Variants in ERC1 observed in about 807,000 individuals in gnomAD.
The protein encoded by ERC1 is ELKS/RAB6-interacting/CAST family member 1, also known as RAB6 interacting protein 2.
A neutral mutation model predicts 132.0 loss-of-function variants in ERC1; 56 were observed. The observed-to-expected ratio is 0.42, with a 90% CI of 0.34 to 0.53. The LOEUF is 0.53. Ranked by LOEUF, ERC1 falls within the 20% of genes least tolerant of loss-of-function variation. ERC1 has a pLI of 0.03. For missense variants in ERC1, 1,202 were observed against 1,349.9 expected (o/e 0.89, Z 1.72); for synonymous variants, 478 against 476.1 (o/e 1.00, Z -0.05).
intron 7 of ERC1, among the ~76,000 whole-genome samples, chr12:1,138,133 A>G (rs1292324511): frequency 8.1e-6 from 1 of 122,922 alleles, no homozygotes. Context: ...CATATTATAT[A>G]TAATATAATT....
At chr12:1,345,271 C>G (rs1296569441) in intron 15 of ERC1, among the ~76,000 whole-genome samples, 1 of 150,276 alleles carries the variant, frequency 6.7e-6, no homozygotes, top group African/African-American at 2.5e-5. Context: ...AGCTCCACCT[C>G]CTGGGTTCAC....
chr12:1,417,905 C>CT (rs1371441983), intron 17 of ERC1, among the ~76,000 whole-genome samples: 30 of 152,118 alleles, frequency 2.0e-4, no homozygotes, highest in African/African-American at 6.7e-4. Context: ...GTGCCAAACA[C>CT]TAAGTTGTAA....
intron 8 of ERC1, among the ~76,000 whole-genome samples, chr12:1,171,271 G>T (rs1180890763): frequency 2.6e-5 from 4 of 151,206 alleles, no homozygotes; most frequent in Non-Finnish European, 5.9e-5. Flanking sequence ...GTTTCTTATG[G>T]TTTTGTCAGT....
At chr12:1,116,062 G>A in intron 7 of ERC1, 29 bp downstream of exon 7, 1 of 1,589,018 alleles carries the variant, frequency 6.3e-7, no homozygotes, top group Non-Finnish European at 8.6e-7. Flanking sequence ...TTTGTGGGGA[G>A]TTGGTTTCTT....
At chr12:1,377,427 T>A (rs749878461) in intron 16 of ERC1, among the ~76,000 whole-genome samples, 6 of 152,234 alleles carry the variant, frequency 3.9e-5, no homozygotes, top group South Asian at 4.1e-4. Context: ...CATTTGTACA[T>A]GCTTTCACAC....
intron 16 of ERC1, among the ~76,000 whole-genome samples, chr12:1,376,981 C>T (rs61913110): frequency 0.16 from 25,044 of 152,044 alleles, 2,551 homozygotes; most frequent in Non-Finnish European, 0.23. Flanking sequence ...TCAGGTGATC[C>T]CGTTGGTCTT....
chr12:1,104,125 G>GT (rs1310519334), intron 3 of ERC1, among the ~76,000 whole-genome samples: 3 of 143,626 alleles, frequency 2.1e-5, no homozygotes, highest in Non-Finnish European at 4.5e-5. Flanking sequence ...TAAAATTTGG[G>GT]TAAAAAAAAA....
intron 18 of ERC1, among the ~76,000 whole-genome samples, chr12:1,479,409 A>G (rs1341934198): frequency 6.6e-6 from 1 of 152,196 alleles, no homozygotes. Flanking sequence ...ATCCTTAATC[A>G]TGTTTATTCC....
chr12:1,392,066 G>C (rs2090015299), intron 16 of ERC1, among the ~76,000 whole-genome samples: 1 of 152,178 alleles, frequency 6.6e-6, no homozygotes, highest in Admixed American at 6.5e-5. Flanking sequence ...AGACTATTCA[G>C]GGGACCACTG....
At chr12:1,011,087 C>G (rs1366574907) in intron 1 of ERC1, among the ~76,000 whole-genome samples, 1 of 152,198 alleles carries the variant, frequency 6.6e-6, no homozygotes, top group Non-Finnish European at 1.5e-5. Context: ...GTGATAGCAA[C>G]TGCAAGTGCT....
At chr12:1,024,636 T>G (rs2154147393) in intron 1 of ERC1, among the ~76,000 whole-genome samples, 1 of 152,262 alleles carries the variant, frequency 6.6e-6, no homozygotes, top group Admixed American at 6.5e-5. Flanking sequence ...TTTAATATGC[T>G]GAAGCCTGTT....
chr12:1,484,090 G>A lies in ERC1; in HGVS notation c.3214-6003G>A, dbSNP rs1373818504. On this transcript the variant is annotated intron_variant, in intron 18 of 18. Coordinates refer to ENST00000360905, the MANE Select transcript of ERC1 (RefSeq NM_178040.4). Reference sequence around the variant, plus strand: ...GGAGGCTGAGGCGGGCGGATCACGAGGTCAGGAGATCAAGACCTTCCTGGC... The same window carrying A: ...GGAGGCTGAGGCGGGCGGATCACGAAGTCAGGAGATCAAGACCTTCCTGGC... Among the ~76,000 whole-genome samples the A allele has an allele frequency of 1.4e-3, 163 of 118,180 alleles. 4 individuals are homozygous for A. In the East Asian group the frequency reaches 0.028, roughly 21 times the overall value. The allele number at this position is 118,180 out of a possible 152,430, so 77.5% of individuals were successfully genotyped here. A position where few individuals can be genotyped will look rare whatever the true frequency, so the allele number is the denominator to read the frequency against.
chr12:1,147,167 A>G (rs544806278), intron 8 of ERC1, among the ~76,000 whole-genome samples: 20 of 152,306 alleles, frequency 1.3e-4, no homozygotes, highest in Non-Finnish European at 2.6e-4. Flanking sequence ...TCTGTTGAAT[A>G]GAAGTGGTGA....
At chr12:1,196,838 C>CTCTCTCTCTCTCTCTCTCTCTCTG (rs1555299913) in intron 12 of ERC1, among the ~76,000 whole-genome samples, 2 of 99,402 alleles carry the variant, frequency 2.0e-5, no homozygotes, top group African/African-American at 4.5e-5. Flanking sequence ...CTCTGTCTGT[C>CTCTCTCTCTCTCTCTCTCTCTCTG]TCTCTGTCTG....
At chr12:1,151,127 T>G (rs1288701645) in intron 8 of ERC1, among the ~76,000 whole-genome samples, 1 of 152,148 alleles carries the variant, frequency 6.6e-6, no homozygotes, top group African/African-American at 2.4e-5. Context: ...AAAAATCAAT[T>G]CAAATTTGGC....
chr12:1,471,436 T>C (rs1173721553), intron 18 of ERC1, among the ~76,000 whole-genome samples: 1 of 152,208 alleles, frequency 6.6e-6, no homozygotes, highest in Non-Finnish European at 1.5e-5. Context: ...AATTAAGATA[T>C]GAGTATGTTG....
At chr12:1,204,392 A>G in intron 12 of ERC1, 1 of 899,446 alleles carries the variant, frequency 1.1e-6, no homozygotes, top group Non-Finnish European at 1.7e-6. Flanking sequence ...TCCCTTCTCT[A>G]ATCCTGCATT....
chr12:1,172,416 A>C (rs1025707093), intron 8 of ERC1, among the ~76,000 whole-genome samples: 3 of 152,190 alleles, frequency 2.0e-5, no homozygotes, highest in African/African-American at 7.2e-5. Context: ...TGCAGTGAGC[A>C]GTGATTACAC....
chr12:1,374,367 C>A (rs34929071), intron 16 of ERC1, among the ~76,000 whole-genome samples: 1 of 151,800 alleles, frequency 6.6e-6, no homozygotes, highest in Admixed American at 6.6e-5. Flanking sequence ...AATTTACTTA[C>A]CCCCTCTAAC....
Sources: allele counts gnomAD v4.1 joint callset (sites outside exome capture counted in the v4.1 genomes callset), GRCh38; gene constraint gnomAD v4.1.1; transcripts MANE v1.5; gene names NCBI Gene and HGNC (gene_info 2026-07-23, HGNC 2026-07-21).